GPC6: variants seen among roughly 807,000 people sequenced by gnomAD.
The protein encoded by GPC6 is glypican 6, also known as glypican-6.
GPC6 carries 14 observed loss-of-function variants against 55.2 expected under a neutral mutation model. That is an observed-to-expected ratio of 0.25 (90% CI 0.17 to 0.40). The LOEUF is 0.40. Among genes scored for constraint, GPC6 ranks in the 10% least tolerant of loss-of-function variants. GPC6 has a pLI of 1.00. For missense variants in GPC6, 641 were observed against 708.5 expected (o/e 0.90, Z 1.08); for synonymous variants, 278 against 259.6 (o/e 1.07, Z -0.68).
At chr13:93,566,090 C>T (rs900410312) in intron 2 of GPC6, among the ~76,000 whole-genome samples, 40 of 152,156 alleles carry the variant, frequency 2.6e-4, no homozygotes, top group African/African-American at 9.2e-4. Context: ...TAGTAAGCAA[C>T]TCCTACCTGA....
At chr13:93,462,441 G>T (rs1174732292) in intron 1 of GPC6, among the ~76,000 whole-genome samples, 1 of 152,004 alleles carries the variant, frequency 6.6e-6, no homozygotes, top group Non-Finnish European at 1.5e-5. Flanking sequence ...GATAAGACTT[G>T]AATTACTTTC....
intron 3 of GPC6, among the ~76,000 whole-genome samples, chr13:93,917,223 A>G (rs1420499046): frequency 6.6e-6 from 1 of 152,194 alleles, no homozygotes; most frequent in Non-Finnish European, 1.5e-5. Flanking sequence ...TGGCAGGGGA[A>G]TAGTCAGCTC....
intron 4 of GPC6, among the ~76,000 whole-genome samples, chr13:94,107,630 G>A (rs572488985): frequency 1.6e-4 from 24 of 145,700 alleles, no homozygotes; most frequent in Admixed American, 7.0e-4. Context: ...TCTAGCTTCC[G>A]AGGCTGTCCT....
At chr13:94,347,550 A>C (rs1010599660) in intron 6 of GPC6, among the ~76,000 whole-genome samples, 13 of 152,240 alleles carry the variant, frequency 8.5e-5, no homozygotes, top group Non-Finnish European at 1.6e-4. Context: ...TTGAGATGAA[A>C]ATGAATCCAC....
At chr13:93,890,715 A>ATTTT (rs757639517) in intron 3 of GPC6, among the ~76,000 whole-genome samples, 1 of 126,438 alleles carries the variant, frequency 7.9e-6, no homozygotes, top group East Asian at 2.1e-4. Flanking sequence ...AATTTTACTT[A>ATTTT]ATTTTTTTTT....
At chr13:93,760,870 A>C (rs1184710459) in intron 2 of GPC6, among the ~76,000 whole-genome samples, 1 of 152,188 alleles carries the variant, frequency 6.6e-6, no homozygotes, top group African/African-American at 2.4e-5. Context: ...GCACCATGAA[A>C]AATCATTGAA....
chr13:93,673,763 A>G (rs1881469748), intron 2 of GPC6, among the ~76,000 whole-genome samples: 1 of 152,200 alleles, frequency 6.6e-6, no homozygotes, highest in African/African-American at 2.4e-5. Flanking sequence ...GGAAAGATAT[A>G]ACAAAACATT....
intron 6 of GPC6, among the ~76,000 whole-genome samples, chr13:94,316,895 G>A (rs1406885847): frequency 2.6e-5 from 4 of 152,096 alleles, no homozygotes; most frequent in Non-Finnish European, 5.9e-5. Context: ...TTTTCTTTCT[G>A]GGCCAAACTG....
chr13:94,363,893 T>A (rs1397717260), intron 6 of GPC6, among the ~76,000 whole-genome samples: 1 of 152,222 alleles, frequency 6.6e-6, no homozygotes, highest in Non-Finnish European at 1.5e-5. Context: ...AAACTAGGCT[T>A]TAAAGACTTA....
At chr13:93,224,286 C>T (rs1342418903), upstream of GPC6, among the ~76,000 whole-genome samples, 1 of 151,690 alleles carries the variant, frequency 6.6e-6, no homozygotes, top group African/African-American at 2.4e-5. Context: ...CCTCTGCCTC[C>T]CAGGTTCAAG....
chr13:93,754,702 TA>T (rs11373403), intron 2 of GPC6, among the ~76,000 whole-genome samples: 44 of 146,932 alleles, frequency 3.0e-4, no homozygotes, highest in Middle Eastern at 3.5e-3. Flanking sequence ...ATTTTTTATT[TA>T]AAAAAAAAAA....
At chr13:93,330,921 T>C (rs1879821866) in intron 1 of GPC6, among the ~76,000 whole-genome samples, 1 of 152,202 alleles carries the variant, frequency 6.6e-6, no homozygotes, top group South Asian at 2.1e-4. Context: ...TTTTTGGCTA[T>C]AGACTTTTGG....
intron 4 of GPC6, among the ~76,000 whole-genome samples, chr13:94,093,447 G>C (rs892684174): frequency 2.0e-5 from 3 of 151,880 alleles, no homozygotes; most frequent in Non-Finnish European, 2.9e-5. Context: ...CTCTTATTCT[G>C]TTCTGTTGGT....
chr13:93,522,785 C>T (rs1881471622), intron 1 of GPC6, among the ~76,000 whole-genome samples: 1 of 151,886 alleles, frequency 6.6e-6, no homozygotes, highest in Admixed American at 6.6e-5. Flanking sequence ...CAAATTCAAA[C>T]TTAGCAGCAG....
At position 93,639,692 on chromosome 13, in the gene GPC6, A is replaced by C. The variant is rs572737376; in HGVS notation, c.319+94271A>C. Among the ~76,000 whole-genome samples the C allele has an allele frequency of 1.2e-4, 19 of 152,272 alleles. No individual in the cohort carries two copies. In the East Asian group the frequency reaches 3.3e-3, roughly 26 times the overall value. ...GCAAGAGGAGTCAAGGATGATGCCAAGTTCAAAATAATTGCCCGTTTTGTA... is the reference window on the plus strand; with the variant it reads ...GCAAGAGGAGTCAAGGATGATGCCACGTTCAAAATAATTGCCCGTTTTGTA... On this transcript the variant is annotated intron_variant, in intron 2 of 8. Transcript: ENST00000377047.
intron 4 of GPC6, among the ~76,000 whole-genome samples, chr13:94,166,512 A>G (rs1309282721): frequency 2.0e-5 from 3 of 152,184 alleles, no homozygotes; most frequent in Non-Finnish European, 4.4e-5. Context: ...TCTCTCTGTC[A>G]GTAGAACTGA....
chr13:93,633,888 C>G (rs1006956485), intron 2 of GPC6, among the ~76,000 whole-genome samples: 3 of 152,070 alleles, frequency 2.0e-5, no homozygotes, highest in Non-Finnish European at 4.4e-5. Context: ...AGTCTCTAAT[C>G]AGGAGTTAGG....
chr13:93,562,365 C>A (rs2139460359), intron 2 of GPC6, among the ~76,000 whole-genome samples: 2 of 152,114 alleles, frequency 1.3e-5, no homozygotes, highest in South Asian at 2.1e-4. Flanking sequence ...TGAAATTTAG[C>A]AATTTCAATA....
chr13:93,218,896 T>C, the GPC6 span, among the ~76,000 whole-genome samples: 1 of 152,170 alleles, frequency 6.6e-6, no homozygotes, highest in Non-Finnish European at 1.5e-5. Context: ...TGGAATATTT[T>C]CTTTTAAATG....
Sources: gnomAD v4.1 joint callset for allele counts (sites outside exome capture counted in the v4.1 genomes callset) on GRCh38, gnomAD v4.1.1 for gene constraint, MANE v1.5 for transcripts, NCBI Gene and HGNC (gene_info 2026-07-23, HGNC 2026-07-21) for gene names.